The following SULF2 variants were observed in gnomAD, a reference collection of about 807,000 sequenced individuals.
SULF2 encodes the protein sulfatase 2.
Under a neutral mutation model 107.7 loss-of-function variants are expected in SULF2, and 52 were observed. The ratio of observed to expected loss-of-function variants is 0.48; its 90% CI spans 0.39 to 0.61. The LOEUF is 0.61. Among genes scored for constraint, SULF2 ranks in the 20% least tolerant of loss-of-function variants. The pLI is 0.00. For synonymous variants in SULF2, 460 were observed against 464.3 expected (o/e 0.99, Z 0.12); for missense variants, 993 against 1,177.3 (o/e 0.84, Z 2.29).
Position 47,680,294 on chromosome 20 carries a change from G to A in SULF2, c.1065-1490C>T, listed in dbSNP as rs969236670. Among the ~76,000 whole-genome samples, 2 of 152,152 alleles carry A rather than the reference G, an allele frequency of 1.3e-5. No homozygotes were observed. The highest frequency in any genetic ancestry group is 6.5e-5 in the Admixed American group (1 of 15,290). Reference sequence around the variant, plus strand: ...ATTTTTGTACTTTTAGTAGAGGTGGGGTTTCACCATGTTGGCCAGGCTACT... The same window carrying A: ...ATTTTTGTACTTTTAGTAGAGGTGGAGTTTCACCATGTTGGCCAGGCTACT... On this transcript the variant is annotated intron_variant, in intron 7 of 20. Coordinates refer to ENST00000688720, the MANE Select transcript of SULF2 (RefSeq NM_001387048.1). This position sits in a 1 kb window ranked among gnomAD's most constrained non-coding sequence, Gnocchi z 4.2.
At chr20:47,729,123 A>G (rs1243927330) in intron 3 of SULF2, among the ~76,000 whole-genome samples, 1 of 152,256 alleles carries the variant, frequency 6.6e-6, no homozygotes. Context: ...ACACGAGGAA[A>G]GTGCAGACGT....
chr20:47,776,275 T>G (rs2090723153), intron 1 of SULF2, among the ~76,000 whole-genome samples: 1 of 152,204 alleles, frequency 6.6e-6, no homozygotes, highest in Non-Finnish European at 1.5e-5. Context: ...TTTAGAAGGT[T>G]CAAACAAAAC....
chr20:47,675,900 T>A lies in SULF2; in HGVS notation c.1380+594A>T, dbSNP rs183251514. ...TTATGTTTTTAGAGACAGGGTCTTA[T>A]TCTGTCACCCAAGCTGGAGTGCAGT... On this transcript the variant is annotated intron_variant, in intron 10 of 20. Coordinates refer to ENST00000688720, the MANE Select transcript of SULF2 (RefSeq NM_001387048.1). 2.1e-3 allele frequency among the ~76,000 whole-genome samples: 326 copies of A among 152,280 alleles called. 2 individuals carry two copies. The highest frequency in any genetic ancestry group is 7.3e-3 in the African/African-American group (305 of 41,564).
upstream of SULF2, chr20:47,785,922 G>A (rs1248941855): frequency 6.5e-6 from 1 of 152,834 alleles, no homozygotes; most frequent in Non-Finnish European, 1.5e-5. Context: ...TCCAGCTCCG[G>A]ACGGGGCAGT....
intron 2 of SULF2, among the ~76,000 whole-genome samples, chr20:47,752,534 C>T (rs895430811): frequency 3.3e-5 from 5 of 149,908 alleles, no homozygotes; most frequent in Non-Finnish European, 5.9e-5. Flanking sequence ...AGTTTGCAAC[C>T]AGCCTGAGCA....
At chr20:47,695,299 A>T (rs76948572) in intron 4 of SULF2, among the ~76,000 whole-genome samples, 1 of 152,124 alleles carries the variant, frequency 6.6e-6, no homozygotes, top group Non-Finnish European at 1.5e-5. Context: ...TAAAAAAAAA[A>T]TGAGCTGTAT....
rs529817384 is a variant in SULF2, at chr20:47,716,288, T to G, written c.416-13618A>C. The stretch of plus-strand genomic sequence containing the variant: ...AATAGAGGCTGGGCGTGATGACTTA[T>G]GTGGTCAGGAGTTCAGGACCAGCCT... On this transcript the variant is annotated intron_variant, in intron 3 of 20. Coordinates refer to ENST00000688720, the MANE Select transcript of SULF2 (RefSeq NM_001387048.1). Among the ~76,000 whole-genome samples the G allele has an allele frequency of 4.6e-5, 7 of 152,356 alleles. No individual in the cohort carries two copies. In the East Asian group the frequency reaches 9.6e-4, roughly 21 times the overall value.
In SULF2 at chr20:47,669,047, C is replaced by T. The variant is rs769676432; in HGVS notation, c.1577-2559G>A. 2.5e-4 allele frequency among the ~76,000 whole-genome samples: 38 copies of T among 152,214 alleles called. 1 individual carries two copies. Among genetic ancestry groups the T allele is most frequent in the Admixed American group, 2.0e-3 (30 of 15,286 alleles). On this transcript the variant is annotated intron_variant, in intron 11 of 20. Transcript: ENST00000688720. ...CACCCCTCTCTGCTAGTCCCGCCAC[C>T]GCTGCGTCTCCTTCATGCGTTTTTC...
chr20:47,717,873 C>G (rs1000936737), intron 3 of SULF2, among the ~76,000 whole-genome samples: 1 of 146,854 alleles, frequency 6.8e-6, no homozygotes, highest in South Asian at 2.1e-4. Context: ...GAGTTCAGTG[C>G]TGCGATCTCG....
intron 5 of SULF2, among the ~76,000 whole-genome samples, chr20:47,688,069 T>C (rs1416802043): frequency 2.6e-5 from 4 of 151,684 alleles, no homozygotes; most frequent in Non-Finnish European, 5.9e-5. Flanking sequence ...GTCTGCGGGG[T>C]GGATGGTACC....
chr20:47,675,062 T>G lies in SULF2; in HGVS notation c.1380+1432A>C, dbSNP rs561260329. Reference sequence around the variant, plus strand: ...GGAAAATGCTGATACCTCCTCTTTCTTGGCCCCAGCAAAGAGGTCATTCTG... The same window carrying G: ...GGAAAATGCTGATACCTCCTCTTTCGTGGCCCCAGCAAAGAGGTCATTCTG... On this transcript the variant is annotated intron_variant, in intron 10 of 20. Coordinates refer to ENST00000688720, the MANE Select transcript of SULF2 (RefSeq NM_001387048.1). Among the ~76,000 whole-genome samples, 18 of 152,328 alleles carry G rather than the reference T, an allele frequency of 1.2e-4. No individual in the cohort carries two copies. The East Asian group carries it at 3.5e-3, about 29-fold the overall frequency.
At chr20:47,673,106 C>T (rs1243221252) in intron 10 of SULF2, among the ~76,000 whole-genome samples, 1 of 152,158 alleles carries the variant, frequency 6.6e-6, no homozygotes, top group Non-Finnish European at 1.5e-5. Context: ...CGTGTTGATC[C>T]TTCTGCTCTT....
intron 2 of SULF2, among the ~76,000 whole-genome samples, chr20:47,754,404 G>A (rs2146891153): frequency 6.6e-6 from 1 of 152,286 alleles, no homozygotes; most frequent in South Asian, 2.1e-4. Context: ...GGGCTTTTTT[G>A]GGACATGCAT....
intron 11 of SULF2, among the ~76,000 whole-genome samples, chr20:47,667,105 AT>A (rs2087301171): frequency 6.6e-6 from 1 of 152,220 alleles, no homozygotes. Flanking sequence ...ATTGTATATA[AT>A]TGTAAAAATG....
chr20:47,720,244 C>T (rs1195223334), intron 3 of SULF2, among the ~76,000 whole-genome samples: 2 of 152,022 alleles, frequency 1.3e-5, no homozygotes, highest in Non-Finnish European at 1.5e-5. Flanking sequence ...TGAGCCACTG[C>T]ACCTGGCCTT....
At chr20:47,672,147 CA>C in intron 11 of SULF2, 50 bp downstream of exon 11, 1 of 1,543,642 alleles carries the variant, frequency 6.5e-7, no homozygotes, top group Non-Finnish European at 8.8e-7. Flanking sequence ...TGGGGCCCCC[CA>C]GGCATGGTCT....
chr20:47,701,482 G>A (rs372933680), intron 4 of SULF2, among the ~76,000 whole-genome samples: 1 of 152,158 alleles, frequency 6.6e-6, no homozygotes, highest in Non-Finnish European at 1.5e-5. Flanking sequence ...AAAAAACTAC[G>A]ACTGAGGATC....
At chr20:47,671,545 A>T (rs1350183926) in intron 11 of SULF2, among the ~76,000 whole-genome samples, 1 of 151,828 alleles carries the variant, frequency 6.6e-6, no homozygotes, top group Non-Finnish European at 1.5e-5. Context: ...AAGTGCTGGG[A>T]TTACAGGTGT....
intron 1 of SULF2, among the ~76,000 whole-genome samples, chr20:47,764,023 G>A (rs752224920): frequency 1.3e-5 from 2 of 152,142 alleles, no homozygotes; most frequent in Non-Finnish European, 2.9e-5. Flanking sequence ...CCAGCCACAC[G>A]GTCTCTGTAC....
Sources: gnomAD v4.1 joint callset for allele counts (sites outside exome capture counted in the v4.1 genomes callset) on GRCh38, gnomAD v4.1.1 for gene constraint, Gnocchi (gnomAD v3.1) non-coding constraint, MANE v1.5 for transcripts, NCBI Gene and HGNC (gene_info 2026-07-23, HGNC 2026-07-21) for gene names.